The following ZNF19 variants were observed in gnomAD, a reference collection of about 807,000 sequenced individuals.
The protein encoded by ZNF19 is zinc finger protein 19, also known as zinc finger protein 19 (KOX 12).
ZNF19 carries 11 observed loss-of-function variants against 13.1 expected under a neutral mutation model. That is an observed-to-expected ratio of 0.84 (90% confidence interval 0.53 to 1.39). The LOEUF (loss-of-function observed/expected upper bound fraction) is 1.39. ZNF19 is among the 40% of genes most tolerant of loss of function. The pLI, the probability that ZNF19 is intolerant of heterozygous loss-of-function variation, is 0.00. For synonymous variants in ZNF19, 186 were observed against 187.0 expected (o/e 0.99, Z 0.04); for missense variants, 560 against 547.0 (o/e 1.02, Z -0.24).
chr16:71,475,343 G>A lies in ZNF19; in HGVS notation c.1204C>T (p.Gln402Ter), dbSNP rs756430996. 2 of 1,613,916 alleles carry A rather than the reference G, an allele frequency of 1.2e-6. No individual in the cohort carries two copies. The highest frequency in any genetic ancestry group is 2.7e-5 in the African/African-American group (2 of 74,868). ...TCTCCAGTATGGATTCTTTGATGCT[G>A]ATGAAGATTTCTTTTGCTAGTCAAG... is the stretch of plus-strand genomic sequence containing the variant. ...KALTSKRNLH[Q>*]HQRIHTGEKP... is the part of the protein sequence containing the mutation. The change falls in exon 6 of 6, where the codon CAG becomes TAG. Residue 402 changes from glutamine to a stop codon, truncating the protein, a stop_gained. Transcript: ENST00000288177. LOFTEE classifies it low-confidence loss of function (END_TRUNC).
chr16:71,475,874 C>T lies in ZNF19; in HGVS notation c.673G>A (p.Ala225Thr), dbSNP rs2043598628. ...ATCAGATTTGCATTATCATTAAAGGCTCGCCCACACTCCTCACACTGATAG... is the reference window on the plus strand; with the variant it reads ...ATCAGATTTGCATTATCATTAAAGGTTCGCCCACACTCCTCACACTGATAG... ...RPYQCEECGRAFNDNANLIRH... is the reference protein window; with the variant it reads ...RPYQCEECGRTFNDNANLIRH... The change falls in exon 6 of 6, where the codon GCC (alanine) becomes ACC (threonine). Residue 225 changes from alanine (A) to threonine (T), a missense_variant. Physicochemically the swap from Ala to Thr is moderately conservative, Grantham distance 58. Transcript: ENST00000288177. 1.9e-6 allele frequency: 3 copies of T among 1,613,300 alleles called. No homozygotes were observed. Among genetic ancestry groups the T allele is most frequent in the African/African-American group, 2.7e-5 (2 of 74,930 alleles).
Position 71,475,384 on chromosome 16 carries a change from T to G in ZNF19, c.1163A>C (p.Asp388Ala). ...IHTQESSYVC[D>A]ECGKALTSKR... ...GCTAGTCAAGGCTTTTCCACACTCATCACATACATAGGAAGACTCCTGAGT... is the reference window on the plus strand; with the variant it reads ...GCTAGTCAAGGCTTTTCCACACTCAGCACATACATAGGAAGACTCCTGAGT... The change falls in exon 6 of 6, where the codon GAT becomes GCT. Residue 388 changes from aspartate to alanine, a missense_variant. Coordinates refer to ENST00000288177, the MANE Select transcript of ZNF19 (RefSeq NM_006961.4). 8 of 1,613,996 alleles carry G rather than the reference T, an allele frequency of 5.0e-6. No individual in the cohort carries two copies. The highest frequency in any genetic ancestry group is 6.8e-6 in the Non-Finnish European group (8 of 1,179,984).
intron 2 of ZNF19, among the ~76,000 whole-genome samples, chr16:71,484,273 G>A (rs933398009): frequency 1.3e-5 from 2 of 152,234 alleles, no homozygotes; most frequent in African/African-American, 4.8e-5. Context: ...GCAGGAACTG[G>A]CACATAGCTG....
intron 3 of ZNF19, among the ~76,000 whole-genome samples, chr16:71,479,878 C>T (rs1404039298): frequency 2.0e-5 from 3 of 152,066 alleles, no homozygotes; most frequent in Non-Finnish European, 2.9e-5. Context: ...ACTGCAGCCT[C>T]GACCTCCCAG....
In ZNF19 at chr16:71,475,795, C is replaced by G; in HGVS notation, c.752G>C (p.Gly251Ala). 1 of 1,612,766 alleles carries G rather than the reference C, an allele frequency of 6.2e-7. No homozygotes were observed. Among genetic ancestry groups the G allele is most frequent in the Non-Finnish European group, 8.5e-7 (1 of 1,179,112 alleles). Residue 251 changes from glycine to alanine, a missense_variant, in exon 6 of 6, where the codon GGG (glycine) becomes GCG (alanine). Coordinates refer to ENST00000288177, the MANE Select transcript of ZNF19 (RefSeq NM_006961.4). Reference sequence around the variant, plus strand: ...CTCGGAACTACTCGTGAAACTATTCCCACACTCTGTACAGTAATAGGGTCT... The same window carrying G: ...CTCGGAACTACTCGTGAAACTATTCGCACACTCTGTACAGTAATAGGGTCT... The part of the protein sequence containing the change: ...GDRPYYCTEC[G>A]NSFTSSSEFV...
chr16:71,475,701 A>C lies in ZNF19; in HGVS notation c.846T>G (p.Phe282Leu), dbSNP rs747832537. The change falls in exon 6 of 6, where the codon TTT becomes TTG. Residue 282 changes from phenylalanine (F) to leucine (L), a missense_variant. Physicochemically the swap from Phe to Leu is conservative, Grantham distance 22. Coordinates refer to ENST00000288177, the MANE Select transcript of ZNF19 (RefSeq NM_006961.4). ...PYECNECGKA[F>L]VGNSPLLRHQ... Reference sequence around the variant, plus strand: ...GCCGAAGTAGGGGTGAATTACCAACAAAAGCTTTGCCACACTCATTACACT... The same window carrying C: ...GCCGAAGTAGGGGTGAATTACCAACCAAAGCTTTGCCACACTCATTACACT... 8 of 1,612,366 alleles carry C rather than the reference A, an allele frequency of 5.0e-6. No homozygotes were observed. The Admixed American group carries it at 5.0e-5, about 10-fold the overall frequency.
intron 1 of ZNF19, among the ~76,000 whole-genome samples, chr16:71,486,538 G>T (rs2043679922): frequency 6.6e-6 from 1 of 152,066 alleles, no homozygotes. Flanking sequence ...GAAAGTGGGT[G>T]GCCTCCAGAA....
rs2145170590 is a variant in ZNF19, at chr16:71,482,078, T to G, written c.33+4A>C. The G allele has an allele frequency of 6.2e-7, 1 of 1,614,136 alleles. No individual in the cohort carries two copies. Among genetic ancestry groups the G allele is most frequent in the Non-Finnish European group, 8.5e-7 (1 of 1,180,020 alleles). On this transcript the variant is annotated splice_donor_region_variant and intron_variant, in intron 3 of 5. Coordinates refer to ENST00000288177, the MANE Select transcript of ZNF19 (RefSeq NM_006961.4). ...AGAGCTGACCTCAGGGATCCACAGC[T>G]CACCTGGTATTGAGCTTTCAGAGGC... is the stretch of plus-strand genomic sequence containing the variant.
chr16:71,477,008 T>C (rs1049233186), intron 5 of ZNF19, among the ~76,000 whole-genome samples: 8 of 152,332 alleles, frequency 5.3e-5, no homozygotes, highest in Admixed American at 1.3e-4. Context: ...GAGAGTATTC[T>C]TTCTCCTATC....
At chr16:71,485,371 A>C (rs927968399) in intron 1 of ZNF19, among the ~76,000 whole-genome samples, 1 of 149,820 alleles carries the variant, frequency 6.7e-6, no homozygotes, top group Non-Finnish European at 1.5e-5. Context: ...AATTGCTTGA[A>C]CCCGAGAGGT....
Position 71,489,286 on chromosome 16 carries a change from T to A in ZNF19, c.-204A>T. On this transcript the variant is annotated 5_prime_UTR_variant, in exon 1 of 6. Transcript: ENST00000288177. The stretch of plus-strand genomic sequence containing the variant: ...CACTTTGGCACCTTTGAGCGCGGAC[T>A]CAAAACAGGCCAGAAGCGCACCGCT... 8.1e-6 allele frequency: 8 copies of A among 985,544 alleles called. No homozygotes were observed. Among genetic ancestry groups the A allele is most frequent in the Non-Finnish European group, 7.2e-6 (6 of 830,014 alleles). 61.0% of individuals were successfully genotyped at this position (985,544 alleles called of 1,614,324 possible).
At chr16:71,483,209 C>T (rs1008007173) in intron 2 of ZNF19, among the ~76,000 whole-genome samples, 1 of 152,208 alleles carries the variant, frequency 6.6e-6, no homozygotes, top group Non-Finnish European at 1.5e-5. Context: ...CCATGAAAAC[C>T]AGAAACTGAT....
rs778696228 is a variant in ZNF19 at position 71,475,974 on chromosome 16, A to G, written c.573T>C (p.Cys191=). The G allele has an allele frequency of 1.9e-6, 3 of 1,614,090 alleles. No homozygotes were observed. The highest frequency in any genetic ancestry group is 2.2e-5 in the East Asian group (1 of 44,882). ...RIHTGEKPFE[C]SECGKAFNGN... is the part of the protein sequence containing the mutation. ...CATTAAAGGCTTTTCCACACTCACT[A>G]CACTCAAAAGGTTTCTCCCCAGTGT... The change falls in exon 6 of 6, where the codon TGT becomes TGC. Residue 191 remains cysteine (C), a synonymous_variant. Transcript: ENST00000288177.
intron 5 of ZNF19, chr16:71,477,930 G>T: frequency 3.4e-6 from 1 of 289,952 alleles, no homozygotes; most frequent in South Asian, 5.5e-5. Flanking sequence ...CTTAAACAAC[G>T]TTCAGCACAT....
intron 5 of ZNF19, chr16:71,477,878 G>T: frequency 5.4e-6 from 1 of 185,072 alleles, no homozygotes; most frequent in Non-Finnish European, 1.1e-5. Flanking sequence ...TTTCTTTTTC[G>T]CTTTTTACAT....
At chr16:71,487,922 C>T (rs1314383046) in intron 1 of ZNF19, among the ~76,000 whole-genome samples, 2 of 152,176 alleles carry the variant, frequency 1.3e-5, no homozygotes, top group Non-Finnish European at 2.9e-5. Flanking sequence ...TTATTCTCTC[C>T]TTGCAGCTGC....
intron 2 of ZNF19, among the ~76,000 whole-genome samples, chr16:71,483,794 T>C (rs1384670125): frequency 1.3e-5 from 2 of 152,124 alleles, no homozygotes; most frequent in East Asian, 1.9e-4. Context: ...ACAGATGAAG[T>C]AGAGAGAGAA....
At chr16:71,482,061 C>T (rs2043640213) in intron 3 of ZNF19, 21 bp downstream of exon 3, 8 of 1,613,940 alleles carry the variant, frequency 5.0e-6, no homozygotes, top group Non-Finnish European at 6.8e-6. Flanking sequence ...ATAGAGCTGA[C>T]CTCAGGGATC....
In ZNF19 at chr16:71,481,952, T is replaced by C. The variant is rs546700720; in HGVS notation, c.33+130A>G. 7.9e-4 allele frequency: 739 copies of C among 936,016 alleles called. 4 individuals are homozygous for C. In the African/African-American group the frequency reaches 0.011, roughly 14 times the overall value. The allele number at this position is 936,016 out of a possible 1,614,324, so 58.0% of individuals were successfully genotyped here. A position where few individuals can be genotyped will look rare whatever the true frequency, so the allele number is the denominator to read the frequency against. ...CCCTAGCTCTTTCCCCAGCACCCAG[T>C]CCTACTGGAGGGAATCAGCAGGGGT... On this transcript the variant is annotated intron_variant, in intron 3 of 5. Coordinates refer to ENST00000288177, the MANE Select transcript of ZNF19 (RefSeq NM_006961.4).
Sources: allele counts gnomAD v4.1 joint callset (sites outside exome capture counted in the v4.1 genomes callset), GRCh38; gene constraint gnomAD v4.1.1; transcripts MANE v1.5; gene names NCBI Gene and HGNC (gene_info 2026-07-23, HGNC 2026-07-21).